RABGAP1L: variants seen among roughly 807,000 people sequenced by gnomAD.
The protein encoded by RABGAP1L is rab GTPase-activating protein 1-like.
In RABGAP1L, 63 loss-of-function variants were observed where a neutral mutation model predicts 137.7. The ratio of observed to expected loss-of-function variants is 0.46; its 90% CI spans 0.37 to 0.56. The LOEUF (loss-of-function observed/expected upper bound fraction) is 0.56, where lower values mean the gene tolerates loss of function less well. Among genes scored for constraint, RABGAP1L ranks in the 20% least tolerant of loss-of-function variants. The probability of loss-of-function intolerance (pLI) is 0.00; values close to 1 mark genes in which losing one functional copy is unlikely to be tolerated. For missense variants in RABGAP1L, 1,095 were observed against 1,244.0 expected (o/e 0.88, Z 1.80); for synonymous variants, 431 against 433.7 (o/e 0.99, Z 0.08).
intron 1 of RABGAP1L, among the ~76,000 whole-genome samples, chr1:174,162,777 G>GTTTTTTTTTTTTTTTTTTTTTTTTTT (rs67811794): frequency 1.9e-5 from 1 of 51,554 alleles, no homozygotes. Context: ...TTCTCTTTCT[G>GTTTTTTTTTTTTTTTTTTTTTTTTTT]TTTTTTTTTT....
At chr1:174,169,129 T>C (rs549094307) in intron 1 of RABGAP1L, among the ~76,000 whole-genome samples, 1 of 152,380 alleles carries the variant, frequency 6.6e-6, no homozygotes. Context: ...TTGTCAACAT[T>C]ATCAATAGCT....
intron 18 of RABGAP1L, among the ~76,000 whole-genome samples, chr1:174,769,679 G>A (rs937851827): frequency 9.2e-5 from 14 of 152,100 alleles, no homozygotes; most frequent in Admixed American, 6.5e-5. Context: ...GCCAGGAGGG[G>A]AGTTGGCTAG....
At chr1:174,390,490 A>G (rs1021745260) in intron 12 of RABGAP1L, among the ~76,000 whole-genome samples, 1 of 152,204 alleles carries the variant, frequency 6.6e-6, no homozygotes, top group African/African-American at 2.4e-5. Flanking sequence ...ATGTTATTAT[A>G]TATCATTATA....
At chr1:174,407,443 T>C (rs1366673214) in intron 13 of RABGAP1L, among the ~76,000 whole-genome samples, 1 of 152,162 alleles carries the variant, frequency 6.6e-6, no homozygotes, top group Non-Finnish European at 1.5e-5. Context: ...TGAAAAATTG[T>C]GTATAACCTT....
intron 13 of RABGAP1L, among the ~76,000 whole-genome samples, chr1:174,429,653 C>T (rs1435069410): frequency 3.3e-5 from 5 of 151,862 alleles, no homozygotes; most frequent in Non-Finnish European, 5.9e-5. Flanking sequence ...GCAGGAGAAT[C>T]GCCTCAACCC....
At position 174,591,729 on chromosome 1, in the gene RABGAP1L, G is replaced by C. The variant is rs973865300; in HGVS notation, c.1711-45646G>C. 3.1e-5 allele frequency among the ~76,000 whole-genome samples: 2 copies of C among 63,724 alleles called. 1 individual carries two copies. Among genetic ancestry groups the C allele is most frequent in the Non-Finnish European group, 5.4e-5 (2 of 36,856 alleles). 41.8% of individuals were successfully genotyped at this position (63,724 alleles called of 152,430 possible). On this transcript the variant is annotated intron_variant, in intron 13 of 25. Transcript: ENST00000681986. ...GATCTATATCTCTCTTTTGGTACCA[G>C]TACCATGCTGTTTTGGTTACTGTAG...
chr1:174,729,764 A>G (rs899048772), intron 17 of RABGAP1L, among the ~76,000 whole-genome samples: 5 of 152,188 alleles, frequency 3.3e-5, no homozygotes, highest in Non-Finnish European at 7.4e-5. Context: ...CAAAACCACA[A>G]TGAGACCATC....
chr1:174,322,827 A>C (rs542878615), intron 11 of RABGAP1L, among the ~76,000 whole-genome samples: 1 of 152,116 alleles, frequency 6.6e-6, no homozygotes, highest in African/African-American at 2.4e-5. Context: ...AGCTGTGCAC[A>C]TTATTTTCTG....
At chr1:174,452,844 A>G (rs1423327062) in intron 13 of RABGAP1L, among the ~76,000 whole-genome samples, 1 of 152,062 alleles carries the variant, frequency 6.6e-6, no homozygotes, top group East Asian at 1.9e-4. Context: ...TACAGGTGTG[A>G]GCCACTGCAC....
chr1:174,875,763 T>A, intron 19 of RABGAP1L: 1 of 932,184 alleles, frequency 1.1e-6, no homozygotes, highest in Non-Finnish European at 1.3e-6. Context: ...GATTATCATT[T>A]AATTTTTACC....
chr1:174,601,910 C>T (rs951900105), intron 13 of RABGAP1L, among the ~76,000 whole-genome samples: 2 of 152,128 alleles, frequency 1.3e-5, no homozygotes, highest in African/African-American at 4.8e-5. Flanking sequence ...ATAAGAGTCA[C>T]CTTTGCCCCA....
At chr1:174,816,172 G>A (rs1343370422) in intron 19 of RABGAP1L, among the ~76,000 whole-genome samples, 2 of 63,704 alleles carry the variant, frequency 3.1e-5, no homozygotes, top group Admixed American at 2.4e-4. Flanking sequence ...TTTTTTTTGA[G>A]ATAGAGTTTT....
At chr1:174,213,343 T>G (rs184153776) in intron 1 of RABGAP1L, among the ~76,000 whole-genome samples, 8 of 152,278 alleles carry the variant, frequency 5.3e-5, no homozygotes, top group Admixed American at 4.6e-4. Flanking sequence ...GATAATCACT[T>G]GAACCTGGGA....
intron 11 of RABGAP1L, among the ~76,000 whole-genome samples, chr1:174,325,676 A>C (rs918896082): frequency 5.3e-5 from 8 of 152,146 alleles, no homozygotes; most frequent in Non-Finnish European, 1.0e-4. Context: ...GGGTCCCTTC[A>C]CAGGAGGCTC....
At chr1:174,243,186 A>C (rs991352865) in intron 5 of RABGAP1L, 3 of 152,178 alleles carry the variant, frequency 2.0e-5, no homozygotes, top group Non-Finnish European at 2.9e-5. Context: ...AATGGTATGA[A>C]ACTGTCTTTT....
At chr1:174,712,233 G>A (rs1680594223) in intron 17 of RABGAP1L, among the ~76,000 whole-genome samples, 1 of 152,178 alleles carries the variant, frequency 6.6e-6, no homozygotes, top group Non-Finnish European at 1.5e-5. Context: ...GGCTGCCCGA[G>A]CAGTCACCTT....
In RABGAP1L at chr1:174,416,019, C is replaced by CATAT. The variant is rs143285036; in HGVS notation, c.1710+21888_1710+21891dup. 1.4e-3 allele frequency among the ~76,000 whole-genome samples: 187 copies of CATAT among 129,092 alleles called. 21 individuals are homozygous for CATAT. Among genetic ancestry groups the CATAT allele is most frequent in the African/African-American group, 6.5e-3 (179 of 27,370 alleles). 84.7% of individuals were successfully genotyped at this position (129,092 alleles called of 152,430 possible). A position where few individuals can be genotyped will look rare whatever the true frequency, so the allele number is the denominator to read the frequency against. ...TTAAGGAATTTCCCTAGAAAATTTACATATATATATATATATACACACACA... is the reference window on the plus strand; with the variant it reads ...TTAAGGAATTTCCCTAGAAAATTTACATATATATATATATATATATACACACACA... On this transcript the variant is annotated intron_variant, in intron 13 of 25. Transcript: ENST00000681986.
chr1:174,387,681 A>G (rs1227669943), intron 12 of RABGAP1L, among the ~76,000 whole-genome samples: 2 of 152,116 alleles, frequency 1.3e-5, no homozygotes, highest in South Asian at 2.1e-4. Context: ...GAGGCTCCAA[A>G]TGGGAAAAGA....
chr1:174,481,598 T>G (rs2149331444), intron 13 of RABGAP1L, among the ~76,000 whole-genome samples: 1 of 152,300 alleles, frequency 6.6e-6, no homozygotes, highest in South Asian at 2.1e-4. Flanking sequence ...GTTGCCTTGA[T>G]AGTATGATTT....
Sources: gnomAD v4.1 joint callset for allele counts (sites outside exome capture counted in the v4.1 genomes callset) on GRCh38, gnomAD v4.1.1 for gene constraint, MANE v1.5 for transcripts, NCBI Gene and HGNC (gene_info 2026-07-23, HGNC 2026-07-21) for gene names.